GAB3: variants seen among roughly 807,000 people sequenced by gnomAD.
GAB3 encodes GRB2 associated binding protein 3.
GAB3 carries 12 observed loss-of-function variants against 40.4 expected under a neutral mutation model. The observed-to-expected ratio is 0.30, with a 90% CI of 0.19 to 0.48. GAB3 has a LOEUF of 0.48. GAB3 is among the 20% of genes least tolerant of loss of function. The pLI is 0.99. For synonymous variants in GAB3, 154 were observed against 176.7 expected (o/e 0.87, Z 1.02); for missense variants, 381 against 461.9 (o/e 0.82, Z 1.61).
At chrX:154,744,432 A>G (rs193113067) in intron 1 of GAB3, among the ~76,000 whole-genome samples, 53 of 111,681 alleles carry the variant, frequency 4.7e-4, no homozygotes, top group Non-Finnish European at 8.1e-4. Context: ...ATCAGGGACA[A>G]AGCAAGACAT....
chrX:154,741,675 CAAAA>C (rs1206111123), intron 1 of GAB3, among the ~76,000 whole-genome samples: 2 of 26,518 alleles, frequency 7.5e-5, no homozygotes, highest in Non-Finnish European at 7.3e-5. Flanking sequence ...GACTCCATCT[CAAAA>C]AAAAAAAAAA....
At chrX:154,686,437 C>CA (rs782296474) in intron 8 of GAB3, among the ~76,000 whole-genome samples, 1,543 of 74,359 alleles carry the variant, frequency 0.021, 17 homozygotes, top group African/African-American at 0.039. Flanking sequence ...CTGTCTCTAC[C>CA]AAAAAAAAAA....
intron 3 of GAB3, 63 bp from the exon 4 acceptor site, chrX:154,712,764 G>C: frequency 1.4e-6 from 1 of 703,071 alleles, no homozygotes; most frequent in Non-Finnish European, 2.0e-6. Context: ...CAAAACCAAC[G>C]CTGGCCTCAT....
At chrX:154,690,353 A>T (rs1295630127) in intron 8 of GAB3, among the ~76,000 whole-genome samples, 1 of 112,340 alleles carries the variant, frequency 8.9e-6, no homozygotes, top group Non-Finnish European at 1.9e-5. Flanking sequence ...GGACACAGGC[A>T]TGGGCAAGGA....
chrX:154,704,096 G>A (rs781816664), intron 4 of GAB3, among the ~76,000 whole-genome samples: 1 of 111,595 alleles, frequency 9.0e-6, no homozygotes, highest in Non-Finnish European at 1.9e-5. Context: ...GCAACAACAC[G>A]GATTGAACTG....
chrX:154,735,781 C>T (rs7054915), intron 1 of GAB3, among the ~76,000 whole-genome samples: 1,693 of 112,010 alleles, frequency 0.015, 33 homozygotes, highest in African/African-American at 0.052. Context: ...GTCTTCCTCC[C>T]TTACTCAGAC....
intron 8 of GAB3, among the ~76,000 whole-genome samples, chrX:154,691,066 C>A (rs187873900): frequency 0.019 from 2,099 of 110,582 alleles, 22 homozygotes; most frequent in Non-Finnish European, 0.03. Flanking sequence ...GGCACATATA[C>A]GCCATGGAAC....
intron 4 of GAB3, among the ~76,000 whole-genome samples, chrX:154,706,394 C>T (rs938389689): frequency 1.1e-4 from 10 of 92,813 alleles, no homozygotes; most frequent in East Asian, 3.6e-4. Flanking sequence ...CCAGCCTGGG[C>T]GATAGTGCAA....
chrX:154,689,308 C>T (rs2070512783), intron 8 of GAB3, among the ~76,000 whole-genome samples: 1 of 110,183 alleles, frequency 9.1e-6, no homozygotes, highest in African/African-American at 3.3e-5. Context: ...CAGCCAATAT[C>T]ATACTGAATG....
chrX:154,682,097 A>G (rs1557246897), intron 8 of GAB3, among the ~76,000 whole-genome samples: 2 of 112,320 alleles, frequency 1.8e-5, no homozygotes. Context: ...CTAAATGCCT[A>G]GAGTTTGTTG....
Position 154,712,611 on chromosome X carries a change from C to T in GAB3, c.687G>A (p.Pro229=), listed in dbSNP as rs782405463. Residue 229 remains proline, a synonymous_variant, in exon 4 of 10, where the codon CCG becomes CCA. Coordinates refer to ENST00000424127, the MANE Select transcript of GAB3 (RefSeq NM_001081573.3). ...GGTGGACCAAATGACTGGAGGGGAG[C>T]GGCTGCAGGCAGTCAACAAAAACAT... ...FDDVFVDCLQ[P]LPSSHLVHPS... is the part of the protein sequence containing the mutation. 24 of 1,136,505 alleles carry T rather than the reference C, an allele frequency of 2.1e-5. No homozygotes were observed. The Admixed American group carries it at 3.9e-4, about 19-fold the overall frequency. 93.7% of individuals were successfully genotyped at this position (1,136,505 alleles called of 1,213,427 possible).
chrX:154,727,222 A>C (rs1289502557), intron 1 of GAB3, among the ~76,000 whole-genome samples: 1 of 112,087 alleles, frequency 8.9e-6, no homozygotes, highest in Non-Finnish European at 1.9e-5. Flanking sequence ...GCTGTTCCTG[A>C]ACATGTAGAA....
At chrX:154,682,065 A>G (rs923218844) in intron 8 of GAB3, among the ~76,000 whole-genome samples, 1 of 111,837 alleles carries the variant, frequency 8.9e-6, no homozygotes, top group Non-Finnish European at 1.9e-5. Context: ...TTTCTCCACA[A>G]TATTTTTTGT....
At chrX:154,705,458 T>C (rs2070793961) in intron 4 of GAB3, among the ~76,000 whole-genome samples, 1 of 111,404 alleles carries the variant, frequency 9.0e-6, no homozygotes, top group Non-Finnish European at 1.9e-5. Context: ...ATGAGACACA[T>C]CACATCAACA....
chrX:154,751,525 C>T, upstream of GAB3: 1 of 750,305 alleles, frequency 1.3e-6, no homozygotes, highest in Non-Finnish European at 1.6e-6. Context: ...CACGGAGAAA[C>T]AAAAGCAAGA....
chrX:154,701,535 A>G (rs1557252247), intron 4 of GAB3, among the ~76,000 whole-genome samples: 1 of 112,292 alleles, frequency 8.9e-6, no homozygotes. Context: ...TTAAGGGAAC[A>G]TGGGCAGACA....
Position 154,699,348 on chromosome X carries a change from G to A in GAB3, c.1291C>T (p.Pro431Ser), listed in dbSNP as rs1357001283. The change falls in exon 6 of 10, where the codon CCT becomes TCT. Residue 431 changes from proline to serine, a missense_variant. Pro to Ser is a moderately conservative substitution (Grantham distance 74). This residue lies in a region of GAB3 where 364 missense variants were observed against 421.0 expected (regional missense o/e 0.86). Transcript: ENST00000424127. Reference protein sequence around the residue: ...GSISSPLPELPANLEPPPVNR... With the variant: ...GSISSPLPELSANLEPPPVNR... Reference sequence around the variant, plus strand: ...ACTGGGGGAGGTTCCAGGTTTGCAGGCAGCTCAGGCAACGGGCTTGAGATG... The same window carrying A: ...ACTGGGGGAGGTTCCAGGTTTGCAGACAGCTCAGGCAACGGGCTTGAGATG... 3 of 1,209,282 alleles carry A rather than the reference G, an allele frequency of 2.5e-6. No homozygotes were observed. The highest frequency in any genetic ancestry group is 3.4e-6 in the Non-Finnish European group (3 of 894,809).
intron 1 of GAB3, among the ~76,000 whole-genome samples, chrX:154,732,390 A>G (rs2071304465): frequency 8.9e-6 from 1 of 111,985 alleles, no homozygotes; most frequent in African/African-American, 3.3e-5. Context: ...GTCTTTCTCA[A>G]ATGTCCCAAC....
In GAB3 at chrX:154,698,578, T is replaced by C. The variant is rs2070696362; in HGVS notation, c.1345+716A>G. 4.5e-5 allele frequency among the ~76,000 whole-genome samples: 5 copies of C among 111,974 alleles called. No individual in the cohort carries two copies. The South Asian group carries it at 1.9e-3, about 42-fold the overall frequency. On this transcript the variant is annotated intron_variant, in intron 6 of 9. Coordinates refer to ENST00000424127, the MANE Select transcript of GAB3 (RefSeq NM_001081573.3). ...GAGAGATCAGTCATTCTACCAATGCTTCCTTGTAATCACACAGCCAACTGG... is the reference window on the plus strand; with the variant it reads ...GAGAGATCAGTCATTCTACCAATGCCTCCTTGTAATCACACAGCCAACTGG...
Sources: gnomAD v4.1 joint callset for allele counts (sites outside exome capture counted in the v4.1 genomes callset) on GRCh38, gnomAD v4.1.1 for gene constraint, gnomAD v4.1.1 regional missense constraint, MANE v1.5 for transcripts, NCBI Gene and HGNC (gene_info 2026-07-23, HGNC 2026-07-21) for gene names.